Variants in CDH8 observed in about 807,000 individuals in gnomAD.
CDH8 encodes the protein cadherin 8, also known as cadherin-8.
Under a neutral mutation model 68.1 loss-of-function variants are expected in CDH8, and 17 were observed. The observed-to-expected ratio is 0.25, with a 90% CI of 0.17 to 0.37. CDH8 has a LOEUF of 0.37. Among genes scored for constraint, CDH8 ranks in the 10% least tolerant of loss-of-function variants. The pLI is 1.00. For missense variants in CDH8, 763 were observed against 999.3 expected, an observed-to-expected ratio of 0.76 and a Z score of 3.19; for synonymous variants, 372 against 365.1, an observed-to-expected ratio of 1.02 and a Z score of -0.21.
intron 3 of CDH8, among the ~76,000 whole-genome samples, chr16:61,865,897 C>G (rs1166161502): frequency 2.0e-5 from 3 of 152,142 alleles, no homozygotes; most frequent in African/African-American, 4.8e-5. Context: ...GGTGGCACCA[C>G]AGATGCCCAG....
intron 10 of CDH8, among the ~76,000 whole-genome samples, chr16:61,683,281 G>A (rs1463133107): frequency 6.6e-6 from 1 of 151,816 alleles, no homozygotes; most frequent in African/African-American, 2.4e-5. Context: ...AGGACTATTA[G>A]AAATATTAAA....
At chr16:61,736,116 G>GAAAGAAAGAAAGA (rs1567446500) in intron 8 of CDH8, among the ~76,000 whole-genome samples, 72 of 74,790 alleles carry the variant, frequency 9.6e-4, no homozygotes, top group Middle Eastern at 5.8e-3. Context: ...AGAAAGAAAG[G>GAAAGAAAGAAAGA]AAGGAAGGAA....
chr16:61,899,620 AG>A (rs779641520), intron 3 of CDH8, among the ~76,000 whole-genome samples: 24 of 152,148 alleles, frequency 1.6e-4, no homozygotes, highest in Admixed American at 2.6e-4. Context: ...AAGAACTCTG[AG>A]GAACAAAATC....
intron 4 of CDH8, among the ~76,000 whole-genome samples, chr16:61,828,423 T>A (rs902845288): frequency 1.3e-5 from 2 of 151,904 alleles, no homozygotes; most frequent in Non-Finnish European, 2.9e-5. Flanking sequence ...TGCCCTGACT[T>A]CTTTCTTGCA....
intron 2 of CDH8, 141 bp from the exon 3 acceptor site, chr16:61,901,614 C>A: frequency 1.6e-6 from 1 of 620,798 alleles, no homozygotes; most frequent in Non-Finnish European, 2.8e-6. Context: ...AAAGTGTATG[C>A]AGCTGTGCGG....
chr16:61,981,072 G>A (rs1451914170), intron 2 of CDH8, among the ~76,000 whole-genome samples: 2 of 152,004 alleles, frequency 1.3e-5, no homozygotes, highest in African/African-American at 4.8e-5. Flanking sequence ...AAGATTGCCT[G>A]GCACTCAGAA....
chr16:61,960,349 GTGTGTGTGTA>G (rs1965126166), intron 2 of CDH8, among the ~76,000 whole-genome samples: 1 of 22,054 alleles, frequency 4.5e-5, no homozygotes, highest in East Asian at 9.8e-4. Context: ...ATATATACAT[GTGTGTGTGTA>G]TACACATACA....
chr16:61,768,385 T>C (rs1960680782), intron 8 of CDH8, among the ~76,000 whole-genome samples: 44 of 91,078 alleles, frequency 4.8e-4, no homozygotes, highest in Non-Finnish European at 6.5e-4. Context: ...TCTCTCTCTC[T>C]CTCTCTCTCC....
At chr16:62,030,030 C>T (rs1005926301) in intron 1 of CDH8, among the ~76,000 whole-genome samples, 2 of 152,110 alleles carry the variant, frequency 1.3e-5, no homozygotes, top group African/African-American at 4.8e-5. Context: ...CAGATTCTGC[C>T]AATTAGATTA....
chr16:61,874,029 C>T (rs1310133738), intron 3 of CDH8, among the ~76,000 whole-genome samples: 1 of 152,036 alleles, frequency 6.6e-6, no homozygotes, highest in Non-Finnish European at 1.5e-5. Context: ...GCTCTCCAGC[C>T]TGGGGCAACA....
chr16:61,818,107 A>C, intron 6 of CDH8: 1 of 172,010 alleles, frequency 5.8e-6, no homozygotes, highest in Admixed American at 5.6e-5. Flanking sequence ...GTGGGAGATA[A>C]GGCGACATCG....
intron 7 of CDH8, among the ~76,000 whole-genome samples, chr16:61,809,351 T>C (rs558012043): frequency 6.6e-6 from 1 of 152,262 alleles, no homozygotes; most frequent in South Asian, 2.1e-4. Context: ...GTGACTTTCC[T>C]GCATGTTCTC....
intron 8 of CDH8, among the ~76,000 whole-genome samples, chr16:61,748,124 A>G (rs1356014368): frequency 1.3e-5 from 2 of 151,972 alleles, no homozygotes; most frequent in Non-Finnish European, 2.9e-5. Flanking sequence ...TATTCTTTAT[A>G]TAAGTCTCAG....
At chr16:61,745,827 T>G (rs1960007698) in intron 8 of CDH8, among the ~76,000 whole-genome samples, 1 of 152,080 alleles carries the variant, frequency 6.6e-6, no homozygotes, top group Admixed American at 6.6e-5. Flanking sequence ...TTGGATGTTT[T>G]TCTATTGTCT....
chr16:61,681,926 G>A (rs1242849655), intron 10 of CDH8, among the ~76,000 whole-genome samples: 4 of 151,738 alleles, frequency 2.6e-5, no homozygotes, highest in Non-Finnish European at 2.9e-5. Context: ...TGATGCTAAC[G>A]GTATTCATAA....
chr16:61,860,320 T>C (rs1022764846), intron 3 of CDH8, among the ~76,000 whole-genome samples: 1 of 152,172 alleles, frequency 6.6e-6, no homozygotes, highest in Non-Finnish European at 1.5e-5. Flanking sequence ...TCTTTATTAA[T>C]TAACCCGTTT....
rs1030710155 is a variant in CDH8 at position 61,649,421 on chromosome 16, T to C, written c.*4187A>G. The C allele has an allele frequency of 6.6e-6, 1 of 150,976 alleles. No homozygotes were observed. The highest frequency in any genetic ancestry group is 6.6e-5 in the Admixed American group (1 of 15,056). The allele number at this position is 150,976 out of a possible 1,614,324, so 9.4% of individuals were successfully genotyped here. A position where few individuals can be genotyped will look rare whatever the true frequency, so the allele number is the denominator to read the frequency against. On this transcript the variant is annotated 3_prime_UTR_variant, in exon 12 of 12. Coordinates refer to ENST00000577390, the MANE Select transcript of CDH8 (RefSeq NM_001796.5). ...AATTGTGTATATATGTGCATATTTA[T>C]ATATATGAATATATTTATAAATATA...
Position 62,019,879 on chromosome 16 carries a change from T to A in CDH8, c.252+1273A>T, listed in dbSNP as rs116796309. ...TTTTATAATAGTGTTCAACAGACAA[T>A]AAACACTCAGTATTGGCCAAAACAT... is the stretch of plus-strand genomic sequence containing the variant. On this transcript the variant is annotated intron_variant, in intron 2 of 11. Transcript: ENST00000577390. Among the ~76,000 whole-genome samples the A allele has an allele frequency of 5.4e-3, 820 of 152,244 alleles. 10 individuals carry two copies. Among genetic ancestry groups the A allele is most frequent in the African/African-American group, 0.017 (722 of 41,564 alleles).
chr16:61,922,119 G>T (rs1164448212), intron 2 of CDH8, among the ~76,000 whole-genome samples: 1 of 152,082 alleles, frequency 6.6e-6, no homozygotes, highest in Non-Finnish European at 1.5e-5. Flanking sequence ...ATAAAACGAA[G>T]TCTCAATTTC....
Sources: allele counts gnomAD v4.1 joint callset (sites outside exome capture counted in the v4.1 genomes callset), GRCh38; gene constraint gnomAD v4.1.1; transcripts MANE v1.5; gene names NCBI Gene and HGNC (gene_info 2026-07-23, HGNC 2026-07-21).